Variants in SPOCK3 observed in about 807,000 individuals in gnomAD.
SPOCK3 encodes testican-3.
SPOCK3 carries 30 observed loss-of-function variants against 56.6 expected under a neutral mutation model. That is an observed-to-expected ratio of 0.53 (90% CI 0.40 to 0.72). The LOEUF is 0.72. Among genes scored for constraint, SPOCK3 ranks in the 30% least tolerant of loss-of-function variants. SPOCK3 has a pLI of 0.00. For missense variants in SPOCK3, 527 were observed against 530.0 expected (o/e 0.99, Z 0.06); for synonymous variants, 196 against 183.3 (o/e 1.07, Z -0.56).
intron 3 of SPOCK3, among the ~76,000 whole-genome samples, chr4:167,045,938 C>G (rs999806119): frequency 6.6e-6 from 1 of 151,914 alleles, no homozygotes; most frequent in Non-Finnish European, 1.5e-5. Context: ...TGAATTATAT[C>G]ATTTTCCTTG....
At chr4:167,097,411 A>G (rs767459828) in intron 2 of SPOCK3, among the ~76,000 whole-genome samples, 4 of 151,510 alleles carry the variant, frequency 2.6e-5, no homozygotes, top group Admixed American at 6.6e-5. Context: ...TTCTGTTAAT[A>G]CTGCTCCTCA....
At chr4:166,915,522 A>C (rs886124732) in intron 4 of SPOCK3, among the ~76,000 whole-genome samples, 1 of 152,174 alleles carries the variant, frequency 6.6e-6, no homozygotes, top group Admixed American at 6.5e-5. Flanking sequence ...TATATAAATT[A>C]TATATACACG....
chr4:167,134,364 T>G (rs970444040), intron 2 of SPOCK3, among the ~76,000 whole-genome samples: 3 of 152,092 alleles, frequency 2.0e-5, no homozygotes, highest in African/African-American at 7.2e-5. Flanking sequence ...TATTTAAATT[T>G]TCCTGAAGGA....
At chr4:166,868,927 C>T (rs1176299017) in intron 6 of SPOCK3, among the ~76,000 whole-genome samples, 1 of 151,940 alleles carries the variant, frequency 6.6e-6, no homozygotes, top group African/African-American at 2.4e-5. Flanking sequence ...TTAGTGGCTT[C>T]AACGAAATTT....
chr4:167,068,583 T>TG (rs1262880569), intron 2 of SPOCK3, among the ~76,000 whole-genome samples: 1 of 151,680 alleles, frequency 6.6e-6, no homozygotes, highest in Non-Finnish European at 1.5e-5. Context: ...ATGGAATAGG[T>TG]GGTTAGAAAG....
intron 2 of SPOCK3, among the ~76,000 whole-genome samples, chr4:167,169,249 T>TC (rs1730281672): frequency 6.6e-6 from 1 of 152,132 alleles, no homozygotes; most frequent in South Asian, 2.1e-4. Flanking sequence ...GAATAGTGGA[T>TC]CCACTGACAG....
At chr4:167,165,651 A>AT (rs1765694704) in intron 2 of SPOCK3, among the ~76,000 whole-genome samples, 1 of 152,104 alleles carries the variant, frequency 6.6e-6, no homozygotes, top group Admixed American at 6.6e-5. Flanking sequence ...GAAAGCATAC[A>AT]TGTACTGAAA....
At chr4:166,762,809 C>A (rs1418405463) in intron 7 of SPOCK3, among the ~76,000 whole-genome samples, 2 of 151,902 alleles carry the variant, frequency 1.3e-5, no homozygotes, top group Non-Finnish European at 2.9e-5. Context: ...AAAAAAAATC[C>A]TTGAAACTGA....
chr4:167,230,683 G>A (rs562022578), intron 2 of SPOCK3, among the ~76,000 whole-genome samples: 2 of 151,964 alleles, frequency 1.3e-5, no homozygotes, highest in Non-Finnish European at 2.9e-5. Context: ...TTTAGATTAA[G>A]TGAAACTTGT....
intron 4 of SPOCK3, among the ~76,000 whole-genome samples, chr4:166,932,348 G>A (rs568805691): frequency 1.3e-5 from 2 of 152,230 alleles, no homozygotes; most frequent in South Asian, 4.2e-4. Flanking sequence ...ATTACCAAAA[G>A]CCTTTTTCCT....
In SPOCK3 at chr4:166,907,898, A is replaced by C. The variant is rs12650927; in HGVS notation, c.474+4722T>G. Reference sequence around the variant, plus strand: ...TCGAGTTGGCATACCTCAGCCAAAAATCAAACGCAACCTAAGTGGAAAAGC... The same window carrying C: ...TCGAGTTGGCATACCTCAGCCAAAACTCAAACGCAACCTAAGTGGAAAAGC... On this transcript the variant is annotated intron_variant, in intron 5 of 10. Transcript: ENST00000357545. Among the ~76,000 whole-genome samples the C allele has an allele frequency of 8.1e-4, 123 of 152,166 alleles. 3 individuals are homozygous for C. The East Asian group carries it at 0.023, about 29-fold the overall frequency.
At chr4:166,895,228 A>G (rs1735245700) in intron 5 of SPOCK3, among the ~76,000 whole-genome samples, 1 of 152,062 alleles carries the variant, frequency 6.6e-6, no homozygotes, top group Admixed American at 6.6e-5. Flanking sequence ...CTCTTAACTT[A>G]CATTTTTTAT....
intron 2 of SPOCK3, among the ~76,000 whole-genome samples, chr4:167,222,459 A>T (rs897615183): frequency 7.0e-6 from 1 of 143,622 alleles, no homozygotes; most frequent in African/African-American, 2.5e-5. Context: ...ACAATTAAAA[A>T]TTATATAGAT....
At chr4:166,797,689 C>T (rs1469635956) in intron 6 of SPOCK3, among the ~76,000 whole-genome samples, 1 of 151,512 alleles carries the variant, frequency 6.6e-6, no homozygotes, top group Non-Finnish European at 1.5e-5. Context: ...GTAAGAGATG[C>T]CAATTTTGTA....
intron 4 of SPOCK3, among the ~76,000 whole-genome samples, chr4:166,916,473 T>TA (rs1334778259): frequency 1.3e-5 from 2 of 152,180 alleles, no homozygotes; most frequent in Non-Finnish European, 2.9e-5. Context: ...CTCATTTTCC[T>TA]AATAACTATA....
intron 4 of SPOCK3, among the ~76,000 whole-genome samples, chr4:166,969,104 G>A (rs537375916): frequency 4.6e-5 from 7 of 152,234 alleles, no homozygotes; most frequent in Non-Finnish European, 8.8e-5. Flanking sequence ...TGGAATGGGA[G>A]TAATTACCAA....
chr4:167,008,896 G>T (rs1240773366), intron 3 of SPOCK3, among the ~76,000 whole-genome samples: 1 of 151,896 alleles, frequency 6.6e-6, no homozygotes, highest in Non-Finnish European at 1.5e-5. Context: ...TAGTACTATG[G>T]TCACTATTTG....
intron 6 of SPOCK3, among the ~76,000 whole-genome samples, chr4:166,875,244 G>T (rs1732954757): frequency 6.6e-6 from 1 of 152,102 alleles, no homozygotes; most frequent in South Asian, 2.1e-4. Flanking sequence ...TTTACTTCTA[G>T]AAAAAGTTAA....
chr4:167,067,706 T>C (rs1241100353), intron 2 of SPOCK3, among the ~76,000 whole-genome samples: 2 of 151,844 alleles, frequency 1.3e-5, no homozygotes, highest in African/African-American at 2.4e-5. Context: ...GCTATGGTAC[T>C]GCCAACTATA....
Sources: allele counts gnomAD v4.1 joint callset (sites outside exome capture counted in the v4.1 genomes callset), GRCh38; gene constraint gnomAD v4.1.1; transcripts MANE v1.5; gene names NCBI Gene and HGNC (gene_info 2026-07-23, HGNC 2026-07-21).